The following TAPT1 variants were observed in gnomAD, a reference collection of about 807,000 sequenced individuals.
TAPT1 encodes the protein transmembrane anterior posterior transformation 1, also known as transmembrane anterior posterior transformation protein 1 homolog.
In TAPT1, 28 loss-of-function variants were observed where a neutral mutation model predicts 65.6. The observed-to-expected ratio is 0.43, with a 90% CI of 0.32 to 0.59. The LOEUF is 0.59. TAPT1 is among the 20% of genes least tolerant of loss of function. The pLI, the probability that TAPT1 is intolerant of heterozygous loss-of-function variation, is 0.09. For synonymous variants in TAPT1, 278 were observed against 245.2 expected (o/e 1.13, Z -1.25); for missense variants, 563 against 679.9 (o/e 0.83, Z 1.91).
intron 8 of TAPT1, chr4:16,179,145 C>G (rs1212531647): frequency 6.5e-6 from 1 of 152,990 alleles, no homozygotes; most frequent in Admixed American, 6.5e-5. Context: ...CCAATTTTGT[C>G]ACTGTGTTAA....
chr4:16,209,492 AAC>A (rs1424031115), intron 2 of TAPT1, among the ~76,000 whole-genome samples: 1 of 152,232 alleles, frequency 6.6e-6, no homozygotes, highest in Non-Finnish European at 1.5e-5. Context: ...ATTTAAACAT[AAC>A]AGGAAATTTT....
At chr4:16,176,991 C>T (rs1417914535) in intron 8 of TAPT1, among the ~76,000 whole-genome samples, 1 of 152,196 alleles carries the variant, frequency 6.6e-6, no homozygotes, top group Non-Finnish European at 1.5e-5. Flanking sequence ...CTTTGTTTCA[C>T]TGTCATACAG....
chr4:16,171,555 C>T (rs948503051), intron 11 of TAPT1, among the ~76,000 whole-genome samples: 9 of 151,954 alleles, frequency 5.9e-5, no homozygotes, highest in Admixed American at 5.9e-4. Context: ...AAATAAACAT[C>T]ATAATGGTAC....
chr4:16,226,090 C>A, intron 1 of TAPT1, 169 bp downstream of exon 1: 1 of 1,027,634 alleles, frequency 9.7e-7, no homozygotes, highest in South Asian at 4.6e-5. Flanking sequence ...CTGTCAACGG[C>A]CGCGGAGCCT....
At chr4:16,200,972 C>T (rs1749993185) in intron 3 of TAPT1, among the ~76,000 whole-genome samples, 1 of 152,106 alleles carries the variant, frequency 6.6e-6, no homozygotes, top group African/African-American at 2.4e-5. Context: ...AAACTACCTT[C>T]CCATTTGATT....
chr4:16,166,560 C>T lies in TAPT1; in HGVS notation c.1474+73G>A, dbSNP rs1018920624. On this transcript the variant is annotated intron_variant, in intron 13 of 13. Coordinates refer to ENST00000405303, the MANE Select transcript of TAPT1 (RefSeq NM_153365.3). ...AGGGAAACCAATCTTTAAAGCGTTG[C>T]TTAACATTGATCAAACTGTGATTTA... is the stretch of plus-strand genomic sequence containing the variant. 1.9e-6 allele frequency: 3 copies of T among 1,566,690 alleles called. No individual in the cohort carries two copies. In the African/African-American group the frequency reaches 4.1e-5, roughly 21 times the overall value.
intron 9 of TAPT1, among the ~76,000 whole-genome samples, chr4:16,175,374 T>C (rs1748257151): frequency 6.6e-6 from 1 of 152,148 alleles, no homozygotes; most frequent in Admixed American, 6.5e-5. Flanking sequence ...ACTTTAAGTA[T>C]ATTAAAACAT....
At chr4:16,179,802 A>ATT in intron 7 of TAPT1, 145 bp from the exon 8 acceptor site, 1 of 309,442 alleles carries the variant, frequency 3.2e-6, no homozygotes, top group Non-Finnish European at 5.9e-6. Context: ...ATATATATAT[A>ATT]TGTGTGTGTG....
chr4:16,170,911 T>C (rs1476512960), intron 11 of TAPT1, among the ~76,000 whole-genome samples, 182 bp from the exon 12 acceptor site: 1 of 152,168 alleles, frequency 6.6e-6, no homozygotes, highest in African/African-American at 2.4e-5. Context: ...TCTGCCTGCT[T>C]GTGAAACCTT....
In TAPT1 at chr4:16,162,940, G is replaced by GT. The variant is rs1560676979; in HGVS notation, c.*367dup. 1 of 449,124 alleles carries GT rather than the reference G, an allele frequency of 2.2e-6. No homozygotes were observed. The highest frequency in any genetic ancestry group is 2.0e-5 in the African/African-American group (1 of 50,214). The allele number at this position is 449,124 out of a possible 1,614,324, so 27.8% of individuals were successfully genotyped here. On this transcript the variant is annotated 3_prime_UTR_variant, in exon 14 of 14. Transcript: ENST00000405303. The stretch of plus-strand genomic sequence containing the variant: ...TGGTAAAAGTTTCACAGTTTTCCAG[G>GT]TATTTCCTTATACTGAAGAGGCCTT...
rs146543468 is a variant in TAPT1 at position 16,194,736 on chromosome 4, G to A, written c.450-3213C>T. Among the ~76,000 whole-genome samples the A allele has an allele frequency of 6.9e-3, 1,049 of 152,156 alleles. 10 individuals carry two copies. The highest frequency in any genetic ancestry group is 0.023 in the African/African-American group (971 of 41,492). The stretch of plus-strand genomic sequence containing the variant: ...GTGCACCCCCTGCTCTGGTGGAAGC[G>A]TTCCATCCATTGCTAACATCATAAT... On this transcript the variant is annotated intron_variant, in intron 3 of 13. Transcript: ENST00000405303.
chr4:16,168,839 C>T (rs1747808095), intron 12 of TAPT1, among the ~76,000 whole-genome samples: 2 of 152,252 alleles, frequency 1.3e-5, no homozygotes, highest in African/African-American at 4.8e-5. Context: ...AGCAGCTATT[C>T]CCTGAGGGGC....
intron 13 of TAPT1, among the ~76,000 whole-genome samples, chr4:16,166,216 C>T (rs1246827895): frequency 6.6e-6 from 1 of 152,230 alleles, no homozygotes; most frequent in Non-Finnish European, 1.5e-5. Context: ...AGTGCCATCT[C>T]CTCACACTTG....
chr4:16,215,610 T>G (rs1750894706), intron 1 of TAPT1, among the ~76,000 whole-genome samples: 1 of 152,210 alleles, frequency 6.6e-6, no homozygotes, highest in Non-Finnish European at 1.5e-5. Flanking sequence ...TTTCCACCTT[T>G]GCCAGCCTCA....
intron 3 of TAPT1, among the ~76,000 whole-genome samples, chr4:16,201,324 G>A (rs1012872914): frequency 6.6e-6 from 1 of 151,634 alleles, no homozygotes; most frequent in Non-Finnish European, 1.5e-5. Flanking sequence ...TGTGTATATC[G>A]ACCACTAATT....
At chr4:16,187,618 A>C (rs1349009794) in intron 5 of TAPT1, among the ~76,000 whole-genome samples, 1 of 151,882 alleles carries the variant, frequency 6.6e-6, no homozygotes, top group Non-Finnish European at 1.5e-5. Context: ...AAAAAAAGTG[A>C]CTCATTCTTG....
intron 12 of TAPT1, among the ~76,000 whole-genome samples, chr4:16,169,730 A>C (rs1195539331): frequency 6.6e-6 from 1 of 152,246 alleles, no homozygotes; most frequent in African/African-American, 2.4e-5. Flanking sequence ...TGGAAAGTGC[A>C]GACAGTAAGT....
At position 16,163,506 on chromosome 4, in the gene TAPT1, G is replaced by A. The variant is rs1747385424; in HGVS notation, c.1506C>T (p.Ser502=). The change falls in exon 14 of 14, where the codon TCC becomes TCT. Residue 502 remains serine (S), a synonymous_variant. Coordinates refer to ENST00000405303, the MANE Select transcript of TAPT1 (RefSeq NM_153365.3). ...GLSTEENLSA[S]ITKQPIHQKE... ...TTTGATGAATAGGTTGTTTGGTGAT[G>A]GAGGCAGACAGGTTTTCTTCTGTGG... 6.2e-7 allele frequency: 1 copy of A among 1,613,914 alleles called. No individual in the cohort carries two copies. Among genetic ancestry groups the A allele is most frequent in the African/African-American group, 1.3e-5 (1 of 75,052 alleles).
intron 11 of TAPT1, among the ~76,000 whole-genome samples, chr4:16,171,282 A>T (rs1560152303): frequency 6.6e-6 from 1 of 152,234 alleles, no homozygotes; most frequent in Non-Finnish European, 1.5e-5. Context: ...ACTAAACACT[A>T]TTAAAAAATT....
Sources: gnomAD v4.1 joint callset for allele counts (sites outside exome capture counted in the v4.1 genomes callset) on GRCh38, gnomAD v4.1.1 for gene constraint, MANE v1.5 for transcripts, NCBI Gene and HGNC (gene_info 2026-07-23, HGNC 2026-07-21) for gene names.